LRP1B: variants seen among roughly 807,000 people sequenced by gnomAD.
LRP1B encodes the protein low-density lipoprotein receptor-related protein 1B.
In LRP1B, 217 loss-of-function variants were observed where a neutral mutation model predicts 556.6. The ratio of observed to expected loss-of-function variants is 0.39; its 90% CI spans 0.35 to 0.44. LRP1B has a LOEUF of 0.44. Ranked by LOEUF, LRP1B falls within the 20% of genes least tolerant of loss-of-function variation. LRP1B has a pLI of 1.00. For missense variants in LRP1B, 5,053 were observed against 5,620.8 expected (o/e 0.90, Z 3.23); for synonymous variants, 2,047 against 1,865.8 (o/e 1.10, Z -2.50).
rs564271823 is a variant in LRP1B, at chr2:140,439,911, T to A, written c.10414+2593A>T. On this transcript the variant is annotated intron_variant, in intron 66 of 90. Transcript: ENST00000389484. ...AAAAATTTACAATGATTATTTTAATTCCCCCCATTATATGTATATTTTGTA... is the reference window on the plus strand; with the variant it reads ...AAAAATTTACAATGATTATTTTAATACCCCCCATTATATGTATATTTTGTA... Among the ~76,000 whole-genome samples, 236 of 152,220 alleles carry A rather than the reference T, an allele frequency of 1.6e-3. 1 individual carries two copies. Among genetic ancestry groups the A allele is most frequent in the African/African-American group, 5.2e-3 (216 of 41,566 alleles).
intron 27 of LRP1B, among the ~76,000 whole-genome samples, chr2:140,867,325 T>G (rs1291169880): frequency 3.3e-5 from 5 of 151,854 alleles, no homozygotes; most frequent in Non-Finnish European, 5.9e-5. Flanking sequence ...AATCTAAAAA[T>G]TAGGGGATTT....
intron 1 of LRP1B, among the ~76,000 whole-genome samples, chr2:141,886,467 T>C (rs749231475): frequency 2.0e-5 from 3 of 152,178 alleles, no homozygotes; most frequent in Admixed American, 6.5e-5. Flanking sequence ...ACACTCCCTA[T>C]ATATTTCATC....
intron 25 of LRP1B, among the ~76,000 whole-genome samples, chr2:140,868,869 T>C (rs1693036212): frequency 6.6e-6 from 1 of 152,024 alleles, no homozygotes; most frequent in Non-Finnish European, 1.5e-5. Context: ...AGTAAATATA[T>C]ACAGACATAG....
chr2:141,254,403 A>G, intron 4 of LRP1B, 119 bp downstream of exon 4: 1 of 1,002,682 alleles, frequency 1.0e-6, no homozygotes, highest in Non-Finnish European at 1.5e-6. Flanking sequence ...AAATCTCAAG[A>G]AAGAAAAGTT....
chr2:141,553,781 T>G (rs1574073754), intron 2 of LRP1B, among the ~76,000 whole-genome samples: 2 of 139,790 alleles, frequency 1.4e-5, no homozygotes, highest in East Asian at 2.0e-4. Flanking sequence ...ATATTATATA[T>G]AAATATATAG....
Position 141,089,383 on chromosome 2 carries a change from T to C in LRP1B, c.1014-27110A>G, listed in dbSNP as rs971591210. Among the ~76,000 whole-genome samples the C allele has an allele frequency of 4.6e-5, 7 of 152,234 alleles. No individual in the cohort carries two copies. The East Asian group carries it at 1.3e-3, about 29-fold the overall frequency. On this transcript the variant is annotated intron_variant, in intron 7 of 90. Coordinates refer to ENST00000389484, the MANE Select transcript of LRP1B (RefSeq NM_018557.3). ...TCCCAATGCCAATATTTGGCAGATA[T>C]ATTCTTTTGTTATCTAGATCTGTAT...
chr2:140,778,759 A>G (rs1689587118), intron 32 of LRP1B, among the ~76,000 whole-genome samples: 1 of 152,086 alleles, frequency 6.6e-6, no homozygotes. Flanking sequence ...CATCTGAAAA[A>G]GCTTTTAAAA....
At position 141,357,524 on chromosome 2, in the gene LRP1B, C is replaced by T. The variant is rs2714204; in HGVS notation, c.344-102883G>A. On this transcript the variant is annotated intron_variant, in intron 3 of 90. Transcript: ENST00000389484. ...TGAGCCACTGAATAAACCCTGAAAA[C>T]GCGCTGAATTTATAATTATGATATC... is the stretch of plus-strand genomic sequence containing the variant. 9.0e-3 allele frequency among the ~76,000 whole-genome samples: 1,361 copies of T among 152,062 alleles called. 16 individuals carry two copies. Among genetic ancestry groups the T allele is most frequent in the Non-Finnish European group, 0.014 (919 of 67,982 alleles).
At chr2:141,449,106 T>A (rs919838348) in intron 3 of LRP1B, among the ~76,000 whole-genome samples, 3 of 152,214 alleles carry the variant, frequency 2.0e-5, no homozygotes, top group Non-Finnish European at 4.4e-5. Context: ...TAACTGCCAT[T>A]ACCTTTTTTG....
chr2:140,599,474 G>A (rs1682569848), intron 42 of LRP1B, among the ~76,000 whole-genome samples: 1 of 151,872 alleles, frequency 6.6e-6, no homozygotes, highest in South Asian at 2.1e-4. Flanking sequence ...GGATTCCCAT[G>A]TATAACCATT....
intron 1 of LRP1B, among the ~76,000 whole-genome samples, chr2:141,965,978 A>G (rs1192046815): frequency 1.3e-5 from 2 of 151,806 alleles, no homozygotes; most frequent in African/African-American, 2.4e-5. Flanking sequence ...TCACTGACTA[A>G]TTCCACCAAC....
rs1322150761 is a variant in LRP1B, at chr2:141,644,823, A to T, written c.206-164290T>A. Among the ~76,000 whole-genome samples, 22 of 151,610 alleles carry T rather than the reference A, an allele frequency of 1.5e-4. 1 individual carries two copies. Among genetic ancestry groups the T allele is most frequent in the Non-Finnish European group, 2.9e-5 (2 of 67,904 alleles). On this transcript the variant is annotated intron_variant, in intron 2 of 90. Transcript: ENST00000389484. ...ACAGGAAAACTCATGGAAAAAATAG[A>T]CTTGGAACTCATTCCTCCTGATCCA...
intron 3 of LRP1B, among the ~76,000 whole-genome samples, chr2:141,289,271 A>G (rs1685846667): frequency 6.6e-6 from 1 of 150,586 alleles, no homozygotes; most frequent in Non-Finnish European, 1.5e-5. Context: ...AGTCCCAGCT[A>G]CTGGGGAGGC....
intron 1 of LRP1B, among the ~76,000 whole-genome samples, chr2:141,962,066 G>T (rs1701417367): frequency 6.6e-6 from 1 of 151,730 alleles, no homozygotes; most frequent in Non-Finnish European, 1.5e-5. Flanking sequence ...CAGGTAAAAA[G>T]AAATTTCATT....
chr2:140,677,857 C>G (rs1006460456), intron 41 of LRP1B, among the ~76,000 whole-genome samples: 2 of 134,206 alleles, frequency 1.5e-5, no homozygotes, highest in African/African-American at 5.8e-5. Flanking sequence ...GTCTGGGCAA[C>G]TAGAGCAAAA....
At chr2:140,510,736 A>G (rs1689616839) in intron 51 of LRP1B, among the ~76,000 whole-genome samples, 1 of 152,210 alleles carries the variant, frequency 6.6e-6, no homozygotes, top group African/African-American at 2.4e-5. Context: ...AATAATTGGA[A>G]TCTACCTTTG....
At chr2:141,304,780 C>T (rs1284108098) in intron 3 of LRP1B, among the ~76,000 whole-genome samples, 1 of 152,092 alleles carries the variant, frequency 6.6e-6, no homozygotes, top group Non-Finnish European at 1.5e-5. Flanking sequence ...GGATGACAGG[C>T]ATGAGGCACC....
chr2:141,454,031 T>C (rs1049406010), intron 3 of LRP1B, among the ~76,000 whole-genome samples: 3 of 152,228 alleles, frequency 2.0e-5, no homozygotes, highest in South Asian at 2.1e-4. Flanking sequence ...CTATATTTCA[T>C]TGCATTTCCC....
At chr2:141,141,428 C>T (rs749383007) in intron 7 of LRP1B, among the ~76,000 whole-genome samples, 2 of 152,064 alleles carry the variant, frequency 1.3e-5, no homozygotes, top group African/African-American at 2.4e-5. Context: ...ACAGGTTTAA[C>T]CAAACGGAAT....
Sources: allele counts gnomAD v4.1 joint callset (sites outside exome capture counted in the v4.1 genomes callset), GRCh38; gene constraint gnomAD v4.1.1; transcripts MANE v1.5; gene names NCBI Gene and HGNC (gene_info 2026-07-23, HGNC 2026-07-21).